ZNF383: variants seen among roughly 807,000 people sequenced by gnomAD.
The protein encoded by ZNF383 is zinc finger protein 383.
Under a neutral mutation model 44.2 loss-of-function variants are expected in ZNF383, and 32 were observed. That is an observed-to-expected ratio of 0.72 (90% CI 0.55 to 0.97). The LOEUF (loss-of-function observed/expected upper bound fraction) is 0.97. ZNF383 is among the 50% of genes least tolerant of loss of function. The pLI is 0.00. For synonymous variants in ZNF383, 155 were observed against 186.2 expected, an observed-to-expected ratio of 0.83 and a Z score of 1.36; for missense variants, 487 against 562.5, an observed-to-expected ratio of 0.87 and a Z score of 1.36.
chr19:37,230,249 T>C (rs1973417704), intron 2 of ZNF383, among the ~76,000 whole-genome samples, 160 bp from the exon 3 acceptor site: 1 of 152,156 alleles, frequency 6.6e-6, no homozygotes, highest in Non-Finnish European at 1.5e-5. Context: ...CTGAGGTTTG[T>C]AGGATTGAGG....
intron 2 of ZNF383, among the ~76,000 whole-genome samples, chr19:37,228,073 T>A (rs1403176889): frequency 6.6e-6 from 1 of 152,136 alleles, no homozygotes; most frequent in Non-Finnish European, 1.5e-5. Flanking sequence ...GAGTGTTTTT[T>A]AACTCCCCCA....
rs1241118071 is a variant in ZNF383, at chr19:37,242,710, T to A, written c.474T>A (p.Thr158=). The change falls in exon 6 of 6, where the codon ACT becomes ACA. Residue 158 remains threonine (T), a synonymous_variant. Transcript: ENST00000684119. ...MPTFIQQTFL[T]LHQIINNEDR... ...CATTTATTCAACAGACATTCCTTAC[T>A]CTCCATCAAATAATTAATAATGAAG... 6.2e-7 allele frequency: 1 copy of A among 1,613,918 alleles called. No homozygotes were observed. Among genetic ancestry groups the A allele is most frequent in the Non-Finnish European group, 8.5e-7 (1 of 1,179,988 alleles).
Position 37,242,674 on chromosome 19 carries a change from A to G in ZNF383, c.438A>G (p.Glu146=). 6.2e-7 allele frequency: 1 copy of G among 1,614,138 alleles called. No homozygotes were observed. Among genetic ancestry groups the G allele is most frequent in the Non-Finnish European group, 8.5e-7 (1 of 1,179,992 alleles). Residue 146 remains glutamate (E), a synonymous_variant, in exon 6 of 6, where the codon GAA becomes GAG. Transcript: ENST00000684119. The part of the protein sequence containing the change: ...GHFSQEIFTP[E]YMPTFIQQTF... ...TTAGTCAAGAAATATTCACTCCTGA[A>G]TACATGCCCACATTTATTCAACAGA...
rs190169535 is a variant in ZNF383 at position 37,221,945 on chromosome 19, G to A, written c.-167-2873G>A. Among the ~76,000 whole-genome samples, 964 of 130,352 alleles carry A rather than the reference G, an allele frequency of 7.4e-3. 15 individuals are homozygous for A. The highest frequency in any genetic ancestry group is 0.029 in the African/African-American group (924 of 32,200). The allele number at this position is 130,352 out of a possible 152,430, so 85.5% of individuals were successfully genotyped here. A position where few individuals can be genotyped will look rare whatever the true frequency, so the allele number is the denominator to read the frequency against. ...CACTCCAGCCTGGCCGACAGAGCGAGACTCTGTCTCAAAAAAAAAAAAAAA... is the reference window on the plus strand; with the variant it reads ...CACTCCAGCCTGGCCGACAGAGCGAAACTCTGTCTCAAAAAAAAAAAAAAA... On this transcript the variant is annotated intron_variant, in intron 1 of 5. Coordinates refer to ENST00000684119, the MANE Select transcript of ZNF383 (RefSeq NM_001387601.1).
chr19:37,220,799 A>G (rs1972887091), intron 1 of ZNF383, among the ~76,000 whole-genome samples: 3 of 152,070 alleles, frequency 2.0e-5, no homozygotes, highest in Admixed American at 6.6e-5. Flanking sequence ...TTTTTAAAAA[A>G]AGTTTTGTTT....
chr19:37,236,389 CT>C (rs1241219085), intron 5 of ZNF383, among the ~76,000 whole-genome samples: 1 of 150,506 alleles, frequency 6.6e-6, no homozygotes, highest in Non-Finnish European at 1.5e-5. Context: ...TACTCTCTCT[CT>C]TTTTTTTTCT....
chr19:37,242,356 G>A lies in ZNF383; in HGVS notation c.233-113G>A, dbSNP rs931469547. 2.5e-5 allele frequency: 16 copies of A among 647,738 alleles called. No homozygotes were observed. The African/African-American group carries it at 2.6e-4, about 10-fold the overall frequency. 40.1% of individuals were successfully genotyped at this position (647,738 alleles called of 1,614,324 possible). On this transcript the variant is annotated intron_variant, in intron 5 of 5. Transcript: ENST00000684119. Reference sequence around the variant, plus strand: ...TAACACAGATATCCTTGTGAACCCTGTGTCATTTACCTAGTAGATACTATT... The same window carrying A: ...TAACACAGATATCCTTGTGAACCCTATGTCATTTACCTAGTAGATACTATT...
At chr19:37,229,670 A>G (rs1973367180) in intron 2 of ZNF383, among the ~76,000 whole-genome samples, 1 of 140,714 alleles carries the variant, frequency 7.1e-6, no homozygotes, top group Non-Finnish European at 1.5e-5. Context: ...GTGTATATAT[A>G]TGTATGTATA....
chr19:37,234,537 C>G (rs920137698), intron 3 of ZNF383, among the ~76,000 whole-genome samples: 2 of 152,058 alleles, frequency 1.3e-5, no homozygotes, highest in Non-Finnish European at 2.9e-5. Flanking sequence ...CTACAGGCGC[C>G]CGCCACCACG....
At position 37,235,535 on chromosome 19, in the gene ZNF383, G is replaced by A. The variant is rs1303934903; in HGVS notation, c.10-14G>A. 9 of 1,613,756 alleles carry A rather than the reference G, an allele frequency of 5.6e-6. No homozygotes were observed. Among genetic ancestry groups the A allele is most frequent in the Non-Finnish European group, 7.6e-6 (9 of 1,179,868 alleles). On this transcript the variant is annotated splice_polypyrimidine_tract_variant and intron_variant, in intron 3 of 5. Coordinates refer to ENST00000684119, the MANE Select transcript of ZNF383 (RefSeq NM_001387601.1). ...TTTTAATTACACAAGTAATACGTAT[G>A]TTTATTGTTTCAGGGATCAGTGATG...
At chr19:37,229,013 T>G (rs1973318491) in intron 2 of ZNF383, among the ~76,000 whole-genome samples, 1 of 152,094 alleles carries the variant, frequency 6.6e-6, no homozygotes, top group Non-Finnish European at 1.5e-5. Context: ...GTGGCAGAAG[T>G]ATTCTGTTTA....
Position 37,246,256 on chromosome 19 carries a change from CATT to C in ZNF383, c.*2595_*2597del, listed in dbSNP as rs1328391785. ...TTTCCACTATTATCAGTGATATACT[CATT>C]ATCATAAGTATCTTCATTAGGATTT... On this transcript the variant is annotated 3_prime_UTR_variant, in exon 6 of 6. Transcript: ENST00000684119. 288 of 152,284 alleles carry C rather than the reference CATT, an allele frequency of 1.9e-3. 1 individual carries two copies. The highest frequency in any genetic ancestry group is 5.2e-3 in the Admixed American group (80 of 15,296). 9.4% of individuals were successfully genotyped at this position (152,284 alleles called of 1,614,324 possible).
At chr19:37,226,946 C>T (rs1181079980) in intron 2 of ZNF383, among the ~76,000 whole-genome samples, 7 of 151,234 alleles carry the variant, frequency 4.6e-5, no homozygotes, top group Non-Finnish European at 1.0e-4. Context: ...GTAGCTGCGA[C>T]TACAGGCGTG....
intron 1 of ZNF383, chr19:37,219,206 T>A (rs1391848915): frequency 6.6e-6 from 1 of 152,464 alleles, no homozygotes; most frequent in East Asian, 1.9e-4. Context: ...AGGAGAGACC[T>A]CACCCCTCTG....
chr19:37,224,028 C>T (rs1387383207), intron 1 of ZNF383, among the ~76,000 whole-genome samples: 4 of 150,546 alleles, frequency 2.7e-5, no homozygotes, highest in African/African-American at 9.8e-5. Flanking sequence ...AGTGAGGCTC[C>T]ATCTCAGAAA....
intron 2 of ZNF383, among the ~76,000 whole-genome samples, chr19:37,225,691 C>A (rs1313543948): frequency 3.9e-5 from 6 of 151,962 alleles, no homozygotes; most frequent in African/African-American, 1.5e-4. Context: ...AGTAGACACA[C>A]ACAAACCCAA....
At chr19:37,226,937 T>C (rs1343241982) in intron 2 of ZNF383, among the ~76,000 whole-genome samples, 3 of 151,806 alleles carry the variant, frequency 2.0e-5, no homozygotes, top group Non-Finnish European at 4.4e-5. Context: ...GCCTCCCAAG[T>C]AGCTGCGACT....
At chr19:37,225,953 C>T (rs1973143811) in intron 2 of ZNF383, among the ~76,000 whole-genome samples, 1 of 136,328 alleles carries the variant, frequency 7.3e-6, no homozygotes, top group African/African-American at 2.9e-5. Flanking sequence ...CCATGTCTAA[C>T]TAACTTTTTT....
At chr19:37,227,023 G>A (rs1973200250) in intron 2 of ZNF383, among the ~76,000 whole-genome samples, 1 of 151,142 alleles carries the variant, frequency 6.6e-6, no homozygotes, top group Non-Finnish European at 1.5e-5. Context: ...TGGCCAGGAT[G>A]GTCTTGATCT....
Sources: gnomAD v4.1 joint callset for allele counts (sites outside exome capture counted in the v4.1 genomes callset) on GRCh38, gnomAD v4.1.1 for gene constraint, MANE v1.5 for transcripts, NCBI Gene and HGNC (gene_info 2026-07-23, HGNC 2026-07-21) for gene names.